GRM8: variants seen among roughly 807,000 people sequenced by gnomAD.
GRM8 encodes the protein glutamate metabotropic receptor 8.
Under a neutral mutation model 87.2 loss-of-function variants are expected in GRM8, and 47 were observed. The ratio of observed to expected loss-of-function variants is 0.54; its 90% CI spans 0.43 to 0.69. The LOEUF (loss-of-function observed/expected upper bound fraction) is 0.69, where lower values mean the gene tolerates loss of function less well. GRM8 is among the 30% of genes least tolerant of loss of function. The probability of loss-of-function intolerance (pLI) is 0.00; values close to 1 mark genes in which losing one functional copy is unlikely to be tolerated. For missense variants in GRM8, 1,019 were observed against 1,139.2 expected, an observed-to-expected ratio of 0.89 and a Z score of 1.52; for synonymous variants, 396 against 404.5, an observed-to-expected ratio of 0.98 and a Z score of 0.25.
At chr7:127,027,463 A>C (rs1035456505) in intron 3 of GRM8, among the ~76,000 whole-genome samples, 3 of 152,188 alleles carry the variant, frequency 2.0e-5, no homozygotes, top group Non-Finnish European at 4.4e-5. Flanking sequence ...CTTCCTATCC[A>C]TGAGCATGGA....
At chr7:126,522,663 C>T (rs1813172614) in intron 9 of GRM8, among the ~76,000 whole-genome samples, 2 of 152,138 alleles carry the variant, frequency 1.3e-5, no homozygotes, top group Non-Finnish European at 2.9e-5. Flanking sequence ...CAAACAATGC[C>T]CAACTTTCCC....
chr7:126,706,199 T>C (rs1167712209), intron 7 of GRM8, among the ~76,000 whole-genome samples: 2 of 152,132 alleles, frequency 1.3e-5, no homozygotes, highest in Non-Finnish European at 2.9e-5. Flanking sequence ...GTATAGGTGT[T>C]TTAATCAGGG....
intron 7 of GRM8, among the ~76,000 whole-genome samples, chr7:126,682,825 C>T (rs1032381635): frequency 2.6e-5 from 4 of 152,196 alleles, no homozygotes; most frequent in Admixed American, 6.5e-5. Flanking sequence ...TCGAGGCAGG[C>T]GGATCACGAG....
chr7:126,493,381 G>T (rs1808282970), intron 9 of GRM8, among the ~76,000 whole-genome samples: 1 of 152,020 alleles, frequency 6.6e-6, no homozygotes, highest in African/African-American at 2.4e-5. Flanking sequence ...TGACCATGAG[G>T]CTTAGGCGGT....
intron 7 of GRM8, among the ~76,000 whole-genome samples, chr7:126,761,150 A>T (rs1233484685): frequency 6.6e-6 from 1 of 152,032 alleles, no homozygotes; most frequent in African/African-American, 2.4e-5. Context: ...GTGAGCGGAG[A>T]TCGCACCACT....
chr7:127,246,972 T>C lies in GRM8; in HGVS notation c.-311-3457A>G, dbSNP rs934576336. Among the ~76,000 whole-genome samples, 5 of 152,232 alleles carry C rather than the reference T, an allele frequency of 3.3e-5. No individual in the cohort carries two copies. In the East Asian group the frequency reaches 7.7e-4, roughly 23 times the overall value. On this transcript the variant is annotated intron_variant, in intron 1 of 10. Coordinates refer to ENST00000339582, the MANE Select transcript of GRM8 (RefSeq NM_000845.3). ...GTCATCTGTCCCAGAAGGTGGGTCCTGTCCTTGGAGAAAGACCCCAGTGCT... is the reference window on the plus strand; with the variant it reads ...GTCATCTGTCCCAGAAGGTGGGTCCCGTCCTTGGAGAAAGACCCCAGTGCT...
At chr7:127,128,301 C>T (rs992602242) in intron 2 of GRM8, among the ~76,000 whole-genome samples, 1 of 152,032 alleles carries the variant, frequency 6.6e-6, no homozygotes, top group African/African-American at 2.4e-5. Context: ...AGGATGACAC[C>T]AAGCACTTTC....
At chr7:126,835,916 T>C (rs1795791591) in intron 6 of GRM8, among the ~76,000 whole-genome samples, 1 of 152,214 alleles carries the variant, frequency 6.6e-6, no homozygotes, top group African/African-American at 2.4e-5. Context: ...GGCAGAATAC[T>C]TGTTCAACAT....
At chr7:126,944,825 T>C (rs555983134) in intron 3 of GRM8, among the ~76,000 whole-genome samples, 56 of 152,300 alleles carry the variant, frequency 3.7e-4, no homozygotes, top group South Asian at 1.0e-3. Context: ...AAAGGATATA[T>C]ATTAATACTT....
intron 2 of GRM8, among the ~76,000 whole-genome samples, chr7:127,214,768 T>G (rs1796426958): frequency 6.6e-6 from 1 of 152,204 alleles, no homozygotes; most frequent in South Asian, 2.1e-4. Context: ...CGAGATGAGA[T>G]TTGGGCAGGG....
chr7:126,876,281 T>C (rs1182248157), intron 6 of GRM8, among the ~76,000 whole-genome samples: 2 of 152,166 alleles, frequency 1.3e-5, no homozygotes, highest in African/African-American at 2.4e-5. Flanking sequence ...AAACGCTCCA[T>C]TGGTGTTTGT....
intron 6 of GRM8, among the ~76,000 whole-genome samples, chr7:126,884,190 T>G (rs959321532): frequency 5.9e-5 from 9 of 152,016 alleles, no homozygotes; most frequent in African/African-American, 2.2e-4. Context: ...AAAACTATAT[T>G]CAAAGTAACT....
intron 3 of GRM8, among the ~76,000 whole-genome samples, chr7:127,012,220 C>T (rs1814964795): frequency 6.6e-6 from 1 of 152,136 alleles, no homozygotes. Context: ...CATCTGTGTT[C>T]CAATAACCCA....
Position 126,609,481 on chromosome 7 carries a change from C to G in GRM8, c.1375G>C (p.Val459Leu). Residue 459 changes from valine to leucine, a missense_variant, in exon 8 of 11, where the codon GTC becomes CTC. Physicochemically the swap from Val to Leu is conservative, Grantham distance 32. Coordinates refer to ENST00000339582, the MANE Select transcript of GRM8 (RefSeq NM_000845.3). Reference protein sequence around the residue: ...VNFNGSAGTPVTFNENGDAPG... With the variant: ...VNFNGSAGTPLTFNENGDAPG... ...GCATCTCCGTTTTCATTAAAAGTGA[C>G]AGGAGTGCCAGCACTGCCTATAAAG... 1.9e-6 allele frequency: 3 copies of G among 1,612,336 alleles called. No individual in the cohort carries two copies. Among genetic ancestry groups the G allele is most frequent in the Non-Finnish European group, 2.5e-6 (3 of 1,178,538 alleles).
Position 126,606,600 on chromosome 7 carries a change from G to T in GRM8, c.1494+2762C>A, listed in dbSNP as rs79863716. On this transcript the variant is annotated intron_variant, in intron 8 of 10. Coordinates refer to ENST00000339582, the MANE Select transcript of GRM8 (RefSeq NM_000845.3). ...CCTAAGGATAAAAGTCATTTGATTT[G>T]TCCTGATAATCCTCAGAATTCAATT... is the stretch of plus-strand genomic sequence containing the variant. 1.9e-3 allele frequency among the ~76,000 whole-genome samples: 293 copies of T among 152,222 alleles called. 3 individuals are homozygous for T. Among genetic ancestry groups the T allele is most frequent in the Middle Eastern group, 6.8e-3 (2 of 292 alleles).
At chr7:127,247,742 G>A (rs1426173557) in intron 1 of GRM8, among the ~76,000 whole-genome samples, 2 of 152,076 alleles carry the variant, frequency 1.3e-5, no homozygotes, top group African/African-American at 4.8e-5. Context: ...GAGTGAGATG[G>A]ACCACGTGAT....
chr7:127,133,065 A>G (rs2133231826), intron 2 of GRM8, among the ~76,000 whole-genome samples: 1 of 152,366 alleles, frequency 6.6e-6, no homozygotes, highest in Admixed American at 6.5e-5. Flanking sequence ...GTTCAAAGCC[A>G]GTAGTGCAAA....
chr7:126,629,421 T>C (rs7795337), intron 7 of GRM8, among the ~76,000 whole-genome samples: 113,322 of 152,002 alleles, frequency 0.75, 42,823 homozygotes, highest in East Asian at 0.94. Flanking sequence ...TCACTTCTTG[T>C]TAAGTTTCAA....
intron 8 of GRM8, among the ~76,000 whole-genome samples, chr7:126,574,543 G>A (rs1178188709): frequency 1.3e-5 from 2 of 152,046 alleles, no homozygotes; most frequent in East Asian, 1.9e-4. Context: ...CCTATTATAC[G>A]GTCAGTGATG....
Sources: allele counts gnomAD v4.1 joint callset (sites outside exome capture counted in the v4.1 genomes callset), GRCh38; gene constraint gnomAD v4.1.1; transcripts MANE v1.5; gene names NCBI Gene and HGNC (gene_info 2026-07-23, HGNC 2026-07-21).